SUGCT: variants seen among roughly 807,000 people sequenced by gnomAD.
SUGCT encodes succinyl-CoA:glutarate-CoA transferase.
In SUGCT, 41 loss-of-function variants were observed where a neutral mutation model predicts 55.0. The ratio of observed to expected loss-of-function variants is 0.74; its 90% CI spans 0.58 to 0.97. SUGCT has a LOEUF of 0.97. SUGCT is among the 50% of genes least tolerant of loss of function. The pLI is 0.00. For synonymous variants in SUGCT, 187 were observed against 200.4 expected (o/e 0.93, Z 0.56); for missense variants, 568 against 547.8 (o/e 1.04, Z -0.37).
chr7:40,761,429 A>G (rs904076415), intron 13 of SUGCT, among the ~76,000 whole-genome samples: 1 of 152,238 alleles, frequency 6.6e-6, no homozygotes, highest in African/African-American at 2.4e-5. Context: ...AGAGGGGCCC[A>G]TGATAGAGCA....
the SUGCT span, among the ~76,000 whole-genome samples, chr7:40,925,715 A>G: frequency 6.6e-6 from 1 of 152,120 alleles, no homozygotes; most frequent in African/African-American, 2.4e-5. Flanking sequence ...ATCCCATCCA[A>G]AATGATGTAT....
chr7:40,324,232 T>TATAAATAA (rs201014309), intron 9 of SUGCT, among the ~76,000 whole-genome samples: 1 of 122,208 alleles, frequency 8.2e-6, no homozygotes, highest in Non-Finnish European at 1.6e-5. Context: ...TGATCATATA[T>TATAAATAA]ATAAATAAAT....
chr7:40,769,606 A>C (rs1337998547), intron 13 of SUGCT, among the ~76,000 whole-genome samples: 1 of 152,216 alleles, frequency 6.6e-6, no homozygotes, highest in Non-Finnish European at 1.5e-5. Context: ...CATCACTAGA[A>C]ACTGAAAAAG....
At chr7:40,658,653 A>G (rs1321254058) in intron 12 of SUGCT, among the ~76,000 whole-genome samples, 1 of 152,058 alleles carries the variant, frequency 6.6e-6, no homozygotes, top group Admixed American at 6.5e-5. Context: ...ATTTAAGGTG[A>G]ATGTGTTTTG....
At chr7:40,537,578 GA>G (rs1794437178) in intron 12 of SUGCT, among the ~76,000 whole-genome samples, 1 of 152,144 alleles carries the variant, frequency 6.6e-6, no homozygotes, top group South Asian at 2.1e-4. Context: ...GCTTGTTTGA[GA>G]AAATTTTTGT....
At chr7:40,208,239 T>C (rs868203193) in intron 6 of SUGCT, among the ~76,000 whole-genome samples, 7 of 152,176 alleles carry the variant, frequency 4.6e-5, no homozygotes, top group African/African-American at 1.4e-4. Flanking sequence ...TTTTCCAAGA[T>C]GAAGAAGTTC....
At chr7:40,255,251 T>C (rs1290868265) in intron 7 of SUGCT, among the ~76,000 whole-genome samples, 1 of 146,438 alleles carries the variant, frequency 6.8e-6, no homozygotes. Context: ...AAAAGAATCC[T>C]GGAAAGGATA....
At chr7:40,527,093 T>C (rs1439634129) in intron 12 of SUGCT, among the ~76,000 whole-genome samples, 1 of 152,238 alleles carries the variant, frequency 6.6e-6, no homozygotes, top group Non-Finnish European at 1.5e-5. Flanking sequence ...TCAGTATCTT[T>C]GTAATGAAAG....
At chr7:40,585,479 G>A (rs996470435) in intron 12 of SUGCT, among the ~76,000 whole-genome samples, 2 of 152,090 alleles carry the variant, frequency 1.3e-5, no homozygotes, top group African/African-American at 4.8e-5. Flanking sequence ...GAAGAACATC[G>A]TTTTGTGATT....
intron 7 of SUGCT, among the ~76,000 whole-genome samples, chr7:40,252,430 G>T (rs1224136597): frequency 6.6e-6 from 1 of 151,984 alleles, no homozygotes; most frequent in Admixed American, 6.6e-5. Flanking sequence ...AAAAAACTCT[G>T]TTTTTTATTG....
chr7:40,864,857 G>A (rs1027183726), downstream of SUGCT, among the ~76,000 whole-genome samples: 3 of 152,056 alleles, frequency 2.0e-5, no homozygotes, highest in Non-Finnish European at 4.4e-5. Flanking sequence ...ACTAGAAAGA[G>A]CTCAAACACT....
intron 8 of SUGCT, among the ~76,000 whole-genome samples, chr7:40,292,814 G>T (rs1464125489): frequency 4.6e-5 from 7 of 152,076 alleles, no homozygotes; most frequent in Non-Finnish European, 1.0e-4. Flanking sequence ...CCATCTTTCA[G>T]TCTTTTAACT....
At chr7:40,967,812 C>T in the SUGCT span, among the ~76,000 whole-genome samples, 1 of 151,916 alleles carries the variant, frequency 6.6e-6, no homozygotes, top group Non-Finnish European at 1.5e-5. Flanking sequence ...TTAGTAGAGG[C>T]GGGGTTTCAC....
intron 12 of SUGCT, among the ~76,000 whole-genome samples, chr7:40,723,090 T>G (rs1032531448): frequency 6.6e-6 from 1 of 152,144 alleles, no homozygotes; most frequent in Non-Finnish European, 1.5e-5. Flanking sequence ...GACAAAGTGC[T>G]TCCAAAGCTT....
chr7:40,386,650 T>A (rs1377843420), intron 9 of SUGCT, among the ~76,000 whole-genome samples: 2 of 152,140 alleles, frequency 1.3e-5, no homozygotes, highest in South Asian at 2.1e-4. Context: ...TTTCCAAAGT[T>A]CCTTAGTTGA....
At chr7:40,299,706 A>T (rs1008496627) in intron 8 of SUGCT, among the ~76,000 whole-genome samples, 2 of 152,130 alleles carry the variant, frequency 1.3e-5, no homozygotes, top group African/African-American at 4.8e-5. Context: ...ATAATCTCTG[A>T]CAGTAAACTG....
intron 12 of SUGCT, among the ~76,000 whole-genome samples, chr7:40,715,843 T>C (rs916374625): frequency 2.0e-4 from 31 of 152,330 alleles, no homozygotes; most frequent in Middle Eastern, 6.8e-3. Flanking sequence ...CCTGTGGTTT[T>C]TCGCCCTCCC....
intron 9 of SUGCT, among the ~76,000 whole-genome samples, chr7:40,322,191 A>C (rs1160388207): frequency 6.6e-6 from 1 of 152,148 alleles, no homozygotes; most frequent in African/African-American, 2.4e-5. Flanking sequence ...GATTGTTACC[A>C]GGGAGTTTCA....
chr7:40,197,382 A>G (rs1353609209), intron 6 of SUGCT, among the ~76,000 whole-genome samples: 1 of 152,246 alleles, frequency 6.6e-6, no homozygotes, highest in Non-Finnish European at 1.5e-5. Context: ...GAATTATCAT[A>G]TTACCATAAA....
Sources: gnomAD v4.1 joint callset for allele counts (sites outside exome capture counted in the v4.1 genomes callset) on GRCh38, gnomAD v4.1.1 for gene constraint, MANE v1.5 for transcripts, NCBI Gene and HGNC (gene_info 2026-07-23, HGNC 2026-07-21) for gene names.